The following C12orf42 variants were observed in gnomAD, a reference collection of about 807,000 sequenced individuals.
C12orf42 encodes chromosome 12 open reading frame 42, also known as uncharacterized protein C12orf42.
A neutral mutation model predicts 21.6 loss-of-function variants in C12orf42; 25 were observed. That is an observed-to-expected ratio of 1.16 (90% CI 0.84 to 1.62). C12orf42 has a LOEUF of 1.62. Ranked by LOEUF, C12orf42 falls within the 40% of genes most tolerant of loss-of-function variation. C12orf42 has a pLI of 0.00. For missense variants in C12orf42, 483 were observed against 459.3 expected (o/e 1.05, Z -0.47); for synonymous variants, 174 against 175.0 (o/e 0.99, Z 0.05).
the C12orf42 span, among the ~76,000 whole-genome samples, chr12:103,106,889 A>G: frequency 0.011 from 1,617 of 152,080 alleles, 12 homozygotes; most frequent in South Asian, 0.019. Context: ...GACTGTTTCT[A>G]AGAGACATTC....
chr12:103,442,996 A>G (rs1212325580), intron 2 of C12orf42, among the ~76,000 whole-genome samples: 2 of 152,270 alleles, frequency 1.3e-5, no homozygotes, highest in East Asian at 3.9e-4. Context: ...AGCAGCTTAC[A>G]GTCAAATGGA....
intron 2 of C12orf42, among the ~76,000 whole-genome samples, chr12:103,476,529 A>T (rs573106228): frequency 5.9e-5 from 9 of 152,330 alleles, no homozygotes; most frequent in African/African-American, 1.7e-4. Context: ...TCATATATCC[A>T]TCCTGATAGC....
In C12orf42 at chr12:103,386,455, C is replaced by A. The variant is rs1241802477; in HGVS notation, c.147+15152G>T. Among the ~76,000 whole-genome samples the A allele has an allele frequency of 4.6e-5, 7 of 152,274 alleles. No homozygotes were observed. In the East Asian group the frequency reaches 1.2e-3, roughly 25 times the overall value. ...AATAACATGGACTTATCTCTGCTCT[C>A]CCAAAATGCTAACTCCTAAAACTCA... On this transcript the variant is annotated intron_variant, in intron 3 of 5. Transcript: ENST00000548883.
At chr12:103,512,547 A>G in the C12orf42 span, among the ~76,000 whole-genome samples, 1 of 152,224 alleles carries the variant, frequency 6.6e-6, no homozygotes, top group Admixed American at 6.5e-5. Flanking sequence ...TTCACATTCT[A>G]TGCATGTAAT....
At chr12:103,445,314 G>A (rs1592845058) in intron 2 of C12orf42, among the ~76,000 whole-genome samples, 1 of 152,144 alleles carries the variant, frequency 6.6e-6, no homozygotes, top group East Asian at 1.9e-4. Flanking sequence ...TGTGGTGTGA[G>A]AGCAGAGGAA....
At chr12:103,054,259 GT>G in the C12orf42 span, among the ~76,000 whole-genome samples, 7 of 151,588 alleles carry the variant, frequency 4.6e-5, no homozygotes, top group Non-Finnish European at 1.0e-4. Context: ...GATTTCTTTG[GT>G]CAGCATCTTG....
At chr12:103,141,083 T>C in the C12orf42 span, among the ~76,000 whole-genome samples, 1 of 152,214 alleles carries the variant, frequency 6.6e-6, no homozygotes, top group Admixed American at 6.5e-5. Context: ...AGCCCAGGCC[T>C]TTCCATTTGC....
chr12:103,144,295 GA>G, the C12orf42 span, among the ~76,000 whole-genome samples: 2 of 151,806 alleles, frequency 1.3e-5, no homozygotes, highest in Non-Finnish European at 2.9e-5. Context: ...GAAGTCAGAG[GA>G]AAAAGAGGAG....
intron 2 of C12orf42, among the ~76,000 whole-genome samples, chr12:103,432,763 T>C (rs756707331): frequency 2.0e-5 from 3 of 152,006 alleles, no homozygotes; most frequent in Admixed American, 6.6e-5. Flanking sequence ...ATGAAGAAGT[T>C]AGGACACAGA....
downstream of C12orf42, among the ~76,000 whole-genome samples, chr12:103,300,287 A>G (rs989183164): frequency 6.6e-6 from 1 of 152,018 alleles, no homozygotes; most frequent in African/African-American, 2.4e-5. Flanking sequence ...TTATTATGGG[A>G]TTTCTCAGGG....
intron 10 of C12orf42, among the ~76,000 whole-genome samples, chr12:103,241,461 A>AAAT (rs1345095469): frequency 6.6e-6 from 1 of 152,154 alleles, no homozygotes; most frequent in Non-Finnish European, 1.5e-5. Context: ...GCAATTTGAA[A>AAAT]AATATCTGGC....
chr12:103,294,466 GAAA>G, intron 4 of C12orf42, among the ~76,000 whole-genome samples: 1 of 111,920 alleles, frequency 8.9e-6, no homozygotes, highest in African/African-American at 4.2e-5. Flanking sequence ...AAGAAAGAAA[GAAA>G]GAAATAAGCA....
chr12:103,092,795 G>T, the C12orf42 span, among the ~76,000 whole-genome samples: 1 of 152,172 alleles, frequency 6.6e-6, no homozygotes, highest in African/African-American at 2.4e-5. Flanking sequence ...CAAGGCTATT[G>T]CCAGGACATC....
intron 2 of C12orf42, among the ~76,000 whole-genome samples, chr12:103,457,066 C>T (rs1952347771): frequency 6.6e-6 from 1 of 152,122 alleles, no homozygotes; most frequent in South Asian, 2.1e-4. Flanking sequence ...TATGATGTTT[C>T]CTCTCCCTTT....
intron 10 of C12orf42, among the ~76,000 whole-genome samples, chr12:103,262,628 T>C (rs1267718277): frequency 6.6e-6 from 1 of 152,192 alleles, no homozygotes; most frequent in African/African-American, 2.4e-5. Context: ...ACATTATCTT[T>C]AAAAGAATAC....
downstream of C12orf42, chr12:103,301,897 C>T (rs188488090): frequency 6.9e-6 from 4 of 582,066 alleles, no homozygotes; most frequent in African/African-American, 3.8e-5. Flanking sequence ...TGGGAGACAC[C>T]GCAGAACAAA....
chr12:103,434,038 G>C (rs537861160), intron 2 of C12orf42, among the ~76,000 whole-genome samples: 2 of 149,588 alleles, frequency 1.3e-5, no homozygotes, highest in South Asian at 4.1e-4. Flanking sequence ...GGCAGGTTTT[G>C]TTTTATTTTT....
chr12:103,355,031 G>A lies in C12orf42; in HGVS notation c.259+13856C>T, dbSNP rs373040546. Among the ~76,000 whole-genome samples the A allele has an allele frequency of 1.3e-4, 20 of 152,162 alleles. No homozygotes were observed. The East Asian group carries it at 1.7e-3, about 13-fold the overall frequency. ...CACAGTGTACCCCTCAAATATGTGC[G>A]ATTACTATGTACCCATTACAAATAA... On this transcript the variant is annotated intron_variant, in intron 4 of 5. Coordinates refer to ENST00000548883, the MANE Select transcript of C12orf42 (RefSeq NM_198521.5).
the C12orf42 span, among the ~76,000 whole-genome samples, chr12:103,056,135 C>T: frequency 6.6e-6 from 1 of 151,996 alleles, no homozygotes; most frequent in Non-Finnish European, 1.5e-5. Flanking sequence ...AGGAGTATGT[C>T]GAAAGTCTCA....
Sources: allele counts gnomAD v4.1 joint callset (sites outside exome capture counted in the v4.1 genomes callset), GRCh38; gene constraint gnomAD v4.1.1; transcripts MANE v1.5; gene names NCBI Gene and HGNC (gene_info 2026-07-23, HGNC 2026-07-21).